The following ZC3H12B variants were observed in gnomAD, a reference collection of about 807,000 sequenced individuals.
ZC3H12B encodes probable ribonuclease ZC3H12B.
A neutral mutation model predicts 43.9 loss-of-function variants in ZC3H12B; 7 were observed. The observed-to-expected ratio is 0.16, with a 90% CI of 0.09 to 0.30. The LOEUF (loss-of-function observed/expected upper bound fraction) is 0.30, where lower values mean the gene tolerates loss of function less well. ZC3H12B is among the 10% of genes least tolerant of loss of function. The pLI, the probability that ZC3H12B is intolerant of heterozygous loss-of-function variation, is 1.00. For synonymous variants in ZC3H12B, 222 were observed against 241.7 expected (o/e 0.92, Z 0.76); for missense variants, 475 against 670.2 (o/e 0.71, Z 3.22).
chrX:65,199,609 C>T, the ZC3H12B span, among the ~76,000 whole-genome samples: 1 of 110,184 alleles, frequency 9.1e-6, no homozygotes, highest in African/African-American at 3.3e-5. Context: ...CCCACCTCCC[C>T]CAACAGGTCC....
the ZC3H12B span, among the ~76,000 whole-genome samples, chrX:65,294,104 G>T: frequency 3.6e-5 from 4 of 111,394 alleles, no homozygotes; most frequent in Non-Finnish European, 7.6e-5. Flanking sequence ...GCCCTGAGGT[G>T]AAAGCATCAT....
At chrX:65,213,908 T>TA in the ZC3H12B span, among the ~76,000 whole-genome samples, 1 of 102,146 alleles carries the variant, frequency 9.8e-6, no homozygotes, top group Admixed American at 1.0e-4. Context: ...TACATATATA[T>TA]ACACACACAC....
chrX:65,084,216 G>T, the ZC3H12B span, among the ~76,000 whole-genome samples: 1 of 111,621 alleles, frequency 9.0e-6, no homozygotes, highest in African/African-American at 3.3e-5. Flanking sequence ...TTTTTGAGCA[G>T]TACTCCACAA....
At chrX:65,496,964 A>G (rs1417546438) in intron 1 of ZC3H12B, among the ~76,000 whole-genome samples, 168 bp from the exon 7 acceptor site, 145 of 107,432 alleles carry the variant, frequency 1.3e-3, no homozygotes, top group African/African-American at 4.9e-3. Flanking sequence ...AAAAAAAAAA[A>G]GAAAAAAAAG....
At chrX:65,250,081 T>C in the ZC3H12B span, among the ~76,000 whole-genome samples, 1 of 109,962 alleles carries the variant, frequency 9.1e-6, no homozygotes, top group Non-Finnish European at 1.9e-5. Context: ...ATGCTATCCC[T>C]CCCCCTCCCC....
chrX:65,091,482 T>A, the ZC3H12B span, among the ~76,000 whole-genome samples: 1 of 112,598 alleles, frequency 8.9e-6, no homozygotes, highest in South Asian at 3.7e-4. Flanking sequence ...ATACCTATTA[T>A]GCTTCATTTT....
chrX:65,219,611 G>T, the ZC3H12B span, among the ~76,000 whole-genome samples: 7 of 111,374 alleles, frequency 6.3e-5, no homozygotes, highest in African/African-American at 1.3e-4. Flanking sequence ...AAGACAAAAA[G>T]AATTGTAAAA....
At chrX:65,153,145 G>T in the ZC3H12B span, among the ~76,000 whole-genome samples, 3 of 111,933 alleles carry the variant, frequency 2.7e-5, no homozygotes, top group East Asian at 2.8e-4. Flanking sequence ...AGAAAACTTA[G>T]GCATTACCAT....
the ZC3H12B span, among the ~76,000 whole-genome samples, chrX:65,329,281 G>T: frequency 1.8e-5 from 2 of 111,364 alleles, no homozygotes; most frequent in Non-Finnish European, 3.8e-5. Flanking sequence ...GTTTTGATTT[G>T]CATTTCTCTG....
At chrX:65,482,188 T>A (rs2068072009) in intron 3 of ZC3H12B, among the ~76,000 whole-genome samples, 1 of 111,670 alleles carries the variant, frequency 9.0e-6, no homozygotes, top group Admixed American at 9.6e-5. Context: ...AGAAAGGCAA[T>A]CTTTTTTTCC....
intron 3 of ZC3H12B, among the ~76,000 whole-genome samples, chrX:65,461,366 G>C (rs2067743276): frequency 8.9e-6 from 1 of 112,145 alleles, no homozygotes; most frequent in Non-Finnish European, 1.9e-5. Context: ...TATAACCAAA[G>C]GATTATAAAT....
chrX:65,410,328 G>C (rs1194436854), intron 3 of ZC3H12B, among the ~76,000 whole-genome samples: 1 of 111,768 alleles, frequency 8.9e-6, no homozygotes, highest in Non-Finnish European at 1.9e-5. Context: ...ATTGATTAAA[G>C]ACTTAAATAT....
chrX:65,159,954 T>G, the ZC3H12B span, among the ~76,000 whole-genome samples: 1 of 111,985 alleles, frequency 8.9e-6, no homozygotes, highest in South Asian at 3.7e-4. Context: ...CCTAATTTAT[T>G]GAGAAATTTT....
chrX:65,371,788 G>A (rs907868386), intron 2 of ZC3H12B, among the ~76,000 whole-genome samples: 3 of 111,524 alleles, frequency 2.7e-5, no homozygotes, highest in Non-Finnish European at 5.6e-5. Context: ...TAACACTCAG[G>A]CATACAACAG....
upstream of ZC3H12B, among the ~76,000 whole-genome samples, chrX:65,488,134 G>C (rs2068152617): frequency 9.0e-6 from 1 of 111,244 alleles, no homozygotes; most frequent in Non-Finnish European, 1.9e-5. Flanking sequence ...GCCTCCCAAA[G>C]TGCTGGGATT....
chrX:65,165,311 G>A, the ZC3H12B span, among the ~76,000 whole-genome samples: 34 of 111,689 alleles, frequency 3.0e-4, no homozygotes, highest in South Asian at 0.011. Context: ...TGTACAGAAC[G>A]TACAGGTTTG....
intron 3 of ZC3H12B, among the ~76,000 whole-genome samples, chrX:65,432,556 T>C (rs1293724852): frequency 8.9e-6 from 1 of 111,953 alleles, no homozygotes; most frequent in Non-Finnish European, 1.9e-5. Context: ...AACCTTCTCC[T>C]GTTCTGGGCC....
the ZC3H12B span, among the ~76,000 whole-genome samples, chrX:65,043,658 G>C: frequency 9.0e-6 from 1 of 110,983 alleles, no homozygotes; most frequent in South Asian, 3.7e-4. Context: ...TTTTGTCTAA[G>C]CAAGTAAATA....
At chrX:65,455,322 T>A (rs2067591692) in intron 3 of ZC3H12B, among the ~76,000 whole-genome samples, 1 of 112,161 alleles carries the variant, frequency 8.9e-6, no homozygotes, top group Non-Finnish European at 1.9e-5. Flanking sequence ...AAGAACTACG[T>A]GACAAATGCA....
Sources: gnomAD v4.1 joint callset for allele counts (sites outside exome capture counted in the v4.1 genomes callset) on GRCh38, gnomAD v4.1.1 for gene constraint, MANE v1.5 for transcripts, NCBI Gene and HGNC (gene_info 2026-07-23, HGNC 2026-07-21) for gene names.